Variants in ATP2B2 observed in about 807,000 individuals in gnomAD.
ATP2B2 encodes plasma membrane calcium-transporting ATPase 2.
Under a neutral mutation model 120.0 loss-of-function variants are expected in ATP2B2, and 15 were observed. That is an observed-to-expected ratio of 0.12 (90% confidence interval 0.08 to 0.19). ATP2B2 has a LOEUF of 0.19. ATP2B2 is among the 10% of genes least tolerant of loss of function. The probability of loss-of-function intolerance (pLI) is 1.00; values close to 1 mark genes in which losing one functional copy is unlikely to be tolerated. For synonymous variants in ATP2B2, 694 were observed against 700.3 expected (o/e 0.99, Z 0.14); for missense variants, 1,045 against 1,719.8 (o/e 0.61, Z 6.94).
chr3:10,509,454 C>T (rs565395696), upstream of ATP2B2, among the ~76,000 whole-genome samples: 1 of 152,104 alleles, frequency 6.6e-6, no homozygotes, highest in Admixed American at 6.5e-5. Flanking sequence ...CCTCTGACCC[C>T]CACAGATCAC....
chr3:10,388,180 A>C, intron 6 of ATP2B2, 97 bp downstream of exon 6: 1 of 1,571,946 alleles, frequency 6.4e-7, no homozygotes. Context: ...CGGACGTAGA[A>C]GGCACTCAAT....
At chr3:10,513,665 C>T (rs1328245463) in intron 3 of ATP2B2, among the ~76,000 whole-genome samples, 1 of 152,144 alleles carries the variant, frequency 6.6e-6, no homozygotes, top group Non-Finnish European at 1.5e-5. Context: ...AGGGGCCCTG[C>T]TTGCACAGGG....
chr3:10,451,224 C>T (rs1308567934), intron 1 of ATP2B2, among the ~76,000 whole-genome samples: 1 of 152,152 alleles, frequency 6.6e-6, no homozygotes, highest in Admixed American at 6.5e-5. Context: ...CCCTGGGCTC[C>T]TCCCCTTCCC....
intron 12 of ATP2B2, among the ~76,000 whole-genome samples, chr3:10,367,426 G>C (rs1321450596): frequency 6.6e-6 from 1 of 152,100 alleles, no homozygotes; most frequent in Non-Finnish European, 1.5e-5. Context: ...CAGCTGATCT[G>C]AAGGGGATGT....
At chr3:10,706,278 C>G (rs1015590819) in intron 1 of ATP2B2, among the ~76,000 whole-genome samples, 2 of 152,178 alleles carry the variant, frequency 1.3e-5, no homozygotes, top group African/African-American at 4.8e-5. Context: ...TGACCTCGCA[C>G]AGAGGTGTGG....
At chr3:10,596,821 C>T (rs1193852961) in intron 2 of ATP2B2, among the ~76,000 whole-genome samples, 1 of 152,218 alleles carries the variant, frequency 6.6e-6, no homozygotes, top group East Asian at 1.9e-4. Flanking sequence ...GAGAAACACA[C>T]AGTCAAGAAA....
intron 1 of ATP2B2, among the ~76,000 whole-genome samples, chr3:10,625,135 C>T (rs889403911): frequency 2.2e-4 from 33 of 152,208 alleles, no homozygotes; most frequent in African/African-American, 6.8e-4. Context: ...GAGGTGAGGA[C>T]GTGGTATTCT....
intron 2 of ATP2B2, among the ~76,000 whole-genome samples, chr3:10,432,628 T>C (rs1222770609): frequency 1.3e-5 from 2 of 152,278 alleles, no homozygotes; most frequent in Non-Finnish European, 2.9e-5. Flanking sequence ...AAGAGGATGC[T>C]GGCGGCTTCA....
chr3:10,530,602 T>A (rs2067191995), intron 3 of ATP2B2, among the ~76,000 whole-genome samples: 1 of 152,168 alleles, frequency 6.6e-6, no homozygotes, highest in Non-Finnish European at 1.5e-5. Flanking sequence ...GTTTTTTTCC[T>A]TCGTTCTCTC....
At chr3:10,333,046 G>A (rs772936568) in intron 22 of ATP2B2, among the ~76,000 whole-genome samples, 11 of 152,222 alleles carry the variant, frequency 7.2e-5, no homozygotes, top group Admixed American at 2.0e-4. Flanking sequence ...TACCATGTGC[G>A]TCTGTCTGCT....
chr3:10,649,915 C>T (rs893629454), intron 1 of ATP2B2, among the ~76,000 whole-genome samples: 13 of 152,202 alleles, frequency 8.5e-5, no homozygotes, highest in Admixed American at 6.5e-5. Flanking sequence ...GAGGTCTCCC[C>T]AGCCACGTGG....
intron 6 of ATP2B2, chr3:10,388,059 A>T: frequency 1.7e-6 from 1 of 599,076 alleles, no homozygotes; most frequent in Non-Finnish European, 2.9e-6. Flanking sequence ...GGCCTCCATG[A>T]CATGATTGGA....
rs1234707730 is a variant in ATP2B2, at chr3:10,346,907, C to T, written c.2405-770G>A. 6.6e-6 allele frequency among the ~76,000 whole-genome samples: 1 copy of T among 152,108 alleles called. No individual in the cohort carries two copies. The highest frequency in any genetic ancestry group is 1.5e-5 in the Non-Finnish European group (1 of 68,022). ...GGCCTGCCAATTCTGGCTCCAAAAT[C>T]CCACTGAAACCCTTCCTTTTCTCTG... On this transcript the variant is annotated intron_variant, in intron 16 of 22. Coordinates refer to ENST00000360273, the MANE Select transcript of ATP2B2 (RefSeq NM_001001331.4). The surrounding 1 kb of genome is among the most constrained non-coding windows in gnomAD (Gnocchi z 4.1).
At chr3:10,552,346 C>T (rs1312889139) in intron 2 of ATP2B2, among the ~76,000 whole-genome samples, 1 of 152,262 alleles carries the variant, frequency 6.6e-6, no homozygotes, top group Non-Finnish European at 1.5e-5. Flanking sequence ...GCCGAACCCC[C>T]TTGCTGCAAC....
At chr3:10,613,814 C>T (rs1255952401) in intron 2 of ATP2B2, among the ~76,000 whole-genome samples, 4 of 152,016 alleles carry the variant, frequency 2.6e-5, no homozygotes, top group African/African-American at 7.3e-5. Context: ...TCAAGACCCT[C>T]GAGTTCCCCA....
chr3:10,387,601 T>C (rs753263930), intron 6 of ATP2B2, among the ~76,000 whole-genome samples: 12 of 152,252 alleles, frequency 7.9e-5, no homozygotes, highest in Non-Finnish European at 1.6e-4. Context: ...GGGCCTGGCC[T>C]GAAGAGACTT....
At chr3:10,515,770 A>T (rs1449536262) in intron 3 of ATP2B2, among the ~76,000 whole-genome samples, 1 of 152,206 alleles carries the variant, frequency 6.6e-6, no homozygotes, top group Non-Finnish European at 1.5e-5. Flanking sequence ...TAACATGGTG[A>T]TGATATCTAC....
At chr3:10,374,977 C>T (rs1480026151) in intron 11 of ATP2B2, among the ~76,000 whole-genome samples, 2 of 152,230 alleles carry the variant, frequency 1.3e-5, no homozygotes, top group Non-Finnish European at 2.9e-5. Flanking sequence ...GGGCCTACGA[C>T]TGAGACCGCC....
chr3:10,353,717 C>T (rs1168342935), intron 14 of ATP2B2, among the ~76,000 whole-genome samples: 1 of 152,182 alleles, frequency 6.6e-6, no homozygotes, highest in African/African-American at 2.4e-5. Flanking sequence ...ATCTTCTGGG[C>T]CTCTCCAAGC....
Sources: allele counts gnomAD v4.1 joint callset (sites outside exome capture counted in the v4.1 genomes callset), GRCh38; gene constraint gnomAD v4.1.1; non-coding constraint Gnocchi (gnomAD v3.1); transcripts MANE v1.5; gene names NCBI Gene and HGNC (gene_info 2026-07-23, HGNC 2026-07-21).